The following MSR1 variants were observed in gnomAD, a reference collection of about 807,000 sequenced individuals.
The protein encoded by MSR1 is macrophage scavenger receptor 1.
Under a neutral mutation model 47.2 loss-of-function variants are expected in MSR1, and 53 were observed. That is an observed-to-expected ratio of 1.12 (90% CI 0.90 to 1.41). The LOEUF is 1.41. MSR1 is among the 40% of genes most tolerant of loss of function. The probability of loss-of-function intolerance (pLI) is 0.00; values close to 1 mark genes in which losing one functional copy is unlikely to be tolerated. For synonymous variants in MSR1, 239 were observed against 185.6 expected (o/e 1.29, Z -2.34); for missense variants, 786 against 546.9 (o/e 1.44, Z -4.36).
chr8:16,120,602 T>C lies in MSR1; in HGVS notation c.1038A>G (p.Pro346=), dbSNP rs34175190. The C allele has an allele frequency of 3.3e-3, 5,178 of 1,549,842 alleles. 156 individuals carry two copies. In the East Asian group the frequency reaches 0.071, roughly 21 times the overall value. The part of the protein sequence containing the change: ...GEKGSGNTLT[P]FTKVRLVGGS... ...CACCGACCAGTCGAACTTTCGTAAA[T>C]GGAGCTGTAAAGTTAAAAAAAAAAA... The change falls in exon 9 of 10, where the codon CCA becomes CCG. Residue 346 remains proline (P), a synonymous_variant. Coordinates refer to ENST00000262101, the MANE Select transcript of MSR1 (RefSeq NM_138715.3).
chr8:16,141,504 A>G lies in MSR1; in HGVS notation c.1033+2054T>C, dbSNP rs116102746. 4.9e-3 allele frequency among the ~76,000 whole-genome samples: 741 copies of G among 152,304 alleles called. 9 individuals carry two copies. Among genetic ancestry groups the G allele is most frequent in the African/African-American group, 0.017 (690 of 41,584 alleles). On this transcript the variant is annotated intron_variant, in intron 8 of 9. Transcript: ENST00000262101. The stretch of plus-strand genomic sequence containing the variant: ...GGTAGTGACATATATAATGATATGG[A>G]CAGATGACTGACATATTAACATAAG...
At chr8:16,136,578 T>C (rs763061998) in intron 8 of MSR1, among the ~76,000 whole-genome samples, 3 of 152,006 alleles carry the variant, frequency 2.0e-5, no homozygotes, top group Non-Finnish European at 4.4e-5. Context: ...TACACTCTAT[T>C]AAGGAACACA....
chr8:16,189,702 T>C (rs1164685873), intron 1 of MSR1, among the ~76,000 whole-genome samples: 1 of 111,568 alleles, frequency 9.0e-6, no homozygotes, highest in African/African-American at 3.5e-5. Context: ...ATTTTATATA[T>C]ATATAAAATC....
intron 1 of MSR1, among the ~76,000 whole-genome samples, chr8:16,184,267 G>C (rs1324218936): frequency 6.6e-6 from 1 of 151,836 alleles, no homozygotes; most frequent in Non-Finnish European, 1.5e-5. Context: ...GTAACTTCCT[G>C]TCTCTCCCAT....
At chr8:16,139,236 C>A in intron 8 of MSR1, 1 of 981,280 alleles carries the variant, frequency 1.0e-6, no homozygotes, top group Non-Finnish European at 1.2e-6. Flanking sequence ...CACTCCTATT[C>A]TGATTACAGA....
chr8:16,190,727 C>CTTTTTTTTTT (rs1279894353), intron 1 of MSR1, among the ~76,000 whole-genome samples: 9 of 146,726 alleles, frequency 6.1e-5, no homozygotes, highest in African/African-American at 2.1e-4. Context: ...TTCTTTCTTT[C>CTTTTTTTTTT]TTTTTGTTTT....
Position 16,163,882 on chromosome 8 carries a change from G to A in MSR1, c.817+183C>T, listed in dbSNP as rs546432758. Among the ~76,000 whole-genome samples, 33 of 151,854 alleles carry A rather than the reference G, an allele frequency of 2.2e-4. No homozygotes were observed. In the South Asian group the frequency reaches 5.4e-3, roughly 25 times the overall value. ...TCCCTTTCTATTTAAGTGATACCAG[G>A]CTACTGGTTATCGTACCCTGTCTTT... On this transcript the variant is annotated intron_variant, in intron 5 of 9. Coordinates refer to ENST00000262101, the MANE Select transcript of MSR1 (RefSeq NM_138715.3).
intron 7 of MSR1, among the ~76,000 whole-genome samples, chr8:16,145,298 A>T (rs1800667603): frequency 6.6e-6 from 1 of 152,104 alleles, no homozygotes; most frequent in African/African-American, 2.4e-5. Context: ...ATATTTTGAG[A>T]GCATGCTTTA....
At chr8:16,179,715 C>T (rs968499606) in intron 1 of MSR1, among the ~76,000 whole-genome samples, 1 of 149,646 alleles carries the variant, frequency 6.7e-6, no homozygotes, top group Admixed American at 6.8e-5. Flanking sequence ...CACAGCTCTA[C>T]TAAAAATACA....
At chr8:16,160,388 A>G (rs1217920907) in intron 5 of MSR1, among the ~76,000 whole-genome samples, 1 of 152,008 alleles carries the variant, frequency 6.6e-6, no homozygotes, top group African/African-American at 2.4e-5. Context: ...GCTAAGACAA[A>G]AGTCTTAGTT....
intron 4 of MSR1, among the ~76,000 whole-genome samples, chr8:16,167,450 C>A (rs1418415974): frequency 6.6e-6 from 1 of 152,128 alleles, no homozygotes; most frequent in East Asian, 1.9e-4. Flanking sequence ...GAGGCTAAGG[C>A]ACGAGAATCA....
In MSR1 at chr8:16,125,035, T is replaced by C. The variant is rs186775361; in HGVS notation, c.1034-4429A>G. 5.1e-4 allele frequency among the ~76,000 whole-genome samples: 78 copies of C among 151,678 alleles called. 1 individual carries two copies. In the East Asian group the frequency reaches 0.011, roughly 21 times the overall value. On this transcript the variant is annotated intron_variant, in intron 8 of 9. Coordinates refer to ENST00000262101, the MANE Select transcript of MSR1 (RefSeq NM_138715.3). The stretch of plus-strand genomic sequence containing the variant: ...ACTGGCATAAACATAAGTGTTTTTA[T>C]GGAAAAAAACCCATATGGCTGGCTA...
intron 6 of MSR1, among the ~76,000 whole-genome samples, chr8:16,153,651 A>G (rs1383908915): frequency 2.6e-5 from 4 of 152,038 alleles, no homozygotes; most frequent in Non-Finnish European, 5.9e-5. Flanking sequence ...TCTATTTCAT[A>G]CATTCACAGT....
At chr8:16,154,711 C>T (rs1267681738) in intron 6 of MSR1, among the ~76,000 whole-genome samples, 1 of 151,936 alleles carries the variant, frequency 6.6e-6, no homozygotes, top group South Asian at 2.1e-4. Flanking sequence ...TACTCCCCTT[C>T]ACATATGATC....
At chr8:16,147,810 T>C (rs1800741336) in intron 7 of MSR1, among the ~76,000 whole-genome samples, 1 of 152,134 alleles carries the variant, frequency 6.6e-6, no homozygotes, top group Non-Finnish European at 1.5e-5. Flanking sequence ...TCAAGGGACT[T>C]ATTACCTCTG....
At chr8:16,121,547 A>C (rs1800005895) in intron 8 of MSR1, among the ~76,000 whole-genome samples, 1 of 152,034 alleles carries the variant, frequency 6.6e-6, no homozygotes, top group Admixed American at 6.5e-5. Flanking sequence ...AGCCTGTATT[A>C]TTCTGCTAAG....
chr8:16,120,348 G>T (rs1222417269), intron 9 of MSR1, 70 bp downstream of exon 9: 2 of 1,552,396 alleles, frequency 1.3e-6, no homozygotes, highest in Non-Finnish European at 8.9e-7. Context: ...CTGCACTCCA[G>T]TCTGGGCGAC....
At chr8:16,124,304 T>C (rs1261616585) in intron 8 of MSR1, among the ~76,000 whole-genome samples, 1 of 152,206 alleles carries the variant, frequency 6.6e-6, no homozygotes, top group Non-Finnish European at 1.5e-5. Flanking sequence ...TTAATAATCT[T>C]GGTGCATTTA....
At chr8:16,131,444 T>TTTTTTTTTTTGTTTTG (rs1800255800) in intron 8 of MSR1, among the ~76,000 whole-genome samples, 1 of 32,194 alleles carries the variant, frequency 3.1e-5, no homozygotes, top group African/African-American at 4.8e-5. Context: ...GTTGATAGTT[T>TTTTTTTTTTTGTTTTG]TTTTTTTTTT....
Sources: allele counts gnomAD v4.1 joint callset (sites outside exome capture counted in the v4.1 genomes callset), GRCh38; gene constraint gnomAD v4.1.1; transcripts MANE v1.5; gene names NCBI Gene and HGNC (gene_info 2026-07-23, HGNC 2026-07-21).